Variants in NEXMIF observed in about 807,000 individuals in gnomAD.
NEXMIF encodes neurite extension and migration factor, also known as XLMR protein related to neurite extension.
Under a neutral mutation model 62.1 loss-of-function variants are expected in NEXMIF, and 8 were observed. The observed-to-expected ratio is 0.13, with a 90% CI of 0.08 to 0.23. The LOEUF (loss-of-function observed/expected upper bound fraction) is 0.23. Among genes scored for constraint, NEXMIF ranks in the 10% least tolerant of loss-of-function variants. The pLI is 1.00. For missense variants in NEXMIF, 976 were observed against 1,113.3 expected (o/e 0.88, Z 1.75); for synonymous variants, 404 against 416.6 (o/e 0.97, Z 0.37).
intron 1 of NEXMIF, among the ~76,000 whole-genome samples, chrX:74,884,332 T>C (rs1408033927): frequency 2.7e-5 from 3 of 111,684 alleles, no homozygotes; most frequent in Non-Finnish European, 3.8e-5. Flanking sequence ...AATGCTCCAA[T>C]TAAAAGGAAC....
chrX:74,883,188 G>C (rs915318918), intron 1 of NEXMIF, among the ~76,000 whole-genome samples: 10 of 111,337 alleles, frequency 9.0e-5, no homozygotes, highest in Admixed American at 1.9e-4. Context: ...AAACCACAAA[G>C]ATAGGGAAAA....
chrX:74,783,595 C>G (rs1192032944), intron 1 of NEXMIF, among the ~76,000 whole-genome samples: 3 of 111,371 alleles, frequency 2.7e-5, no homozygotes, highest in Admixed American at 1.9e-4. Flanking sequence ...TGACATGGCT[C>G]CAACGTAAAG....
intron 1 of NEXMIF, among the ~76,000 whole-genome samples, chrX:74,751,548 C>T (rs1213765084): frequency 9.4e-6 from 1 of 105,942 alleles, no homozygotes; most frequent in Non-Finnish European, 2.0e-5. Flanking sequence ...AGTGCAGTGG[C>T]ATGATCTCGG....
intron 1 of NEXMIF, among the ~76,000 whole-genome samples, chrX:74,819,062 T>G: frequency 9.0e-6 from 1 of 111,685 alleles, no homozygotes; most frequent in Admixed American, 9.5e-5. Context: ...TTGACAAACC[T>G]TACAAAAACA....
rs2080268535 is a variant in NEXMIF, at chrX:74,788,820, T to C, written c.-47-43123A>G. 2.7e-5 allele frequency among the ~76,000 whole-genome samples: 3 copies of C among 109,721 alleles called. No individual in the cohort carries two copies. In the South Asian group the frequency reaches 1.2e-3, roughly 44 times the overall value. On this transcript the variant is annotated intron_variant, in intron 1 of 3. Transcript: ENST00000055682. ...GCCAAGAAAAGGGAAGGGGGTAGAG[T>C]GATATAATTTTCAGTCTCCCACAAT...
chrX:74,890,058 C>T (rs1367218878), intron 1 of NEXMIF, among the ~76,000 whole-genome samples: 3 of 106,498 alleles, frequency 2.8e-5, no homozygotes, highest in Non-Finnish European at 5.8e-5. Flanking sequence ...CAAATCGGTA[C>T]TTAGTTTCTT....
At chrX:74,790,364 T>C (rs1304843619) in intron 1 of NEXMIF, among the ~76,000 whole-genome samples, 1 of 113,518 alleles carries the variant, frequency 8.8e-6, no homozygotes, top group Non-Finnish European at 1.9e-5. Context: ...TACCATGATG[T>C]TTTGGTTACT....
intron 1 of NEXMIF, among the ~76,000 whole-genome samples, chrX:74,882,843 G>A (rs927965634): frequency 2.7e-5 from 3 of 112,362 alleles, no homozygotes; most frequent in Non-Finnish European, 5.6e-5. Flanking sequence ...TGGGCAGACT[G>A]CCTCCTCAAG....
chrX:74,891,440 CAATA>C (rs1377165692), intron 1 of NEXMIF, among the ~76,000 whole-genome samples: 2 of 110,771 alleles, frequency 1.8e-5, no homozygotes, highest in Admixed American at 1.9e-4. Flanking sequence ...CTGCTACAAT[CAATA>C]AATAATGCCA....
At chrX:74,860,156 A>G (rs1319138021) in intron 1 of NEXMIF, among the ~76,000 whole-genome samples, 2 of 111,696 alleles carry the variant, frequency 1.8e-5, no homozygotes, top group South Asian at 3.7e-4. Flanking sequence ...TACTTCACCT[A>G]TAAGAAAGTC....
Position 74,741,201 on chromosome X carries a change from A to G in NEXMIF, c.3356T>C (p.Leu1119Pro), listed in dbSNP as rs1274611127. Residue 1119 changes from leucine (L) to proline (P), a missense_variant, in exon 3 of 4, where the codon CTT becomes CCT. Leu to Pro is a moderately conservative substitution (Grantham distance 98). Transcript: ENST00000055682. ...ATCCTCCATTTGGACCTGCCGTGAA[A>G]GGGTACTGCAGTCCCACTTGATTTT... ...VEKIKWDCST[L>P]SRQVQMEDGF... is the part of the protein sequence containing the mutation. 8.3e-7 allele frequency: 1 copy of G among 1,211,371 alleles called. No individual in the cohort carries two copies. Among genetic ancestry groups the G allele is most frequent in the Admixed American group, 2.2e-5 (1 of 45,966 alleles).
At chrX:74,885,869 C>T (rs1569363190) in intron 1 of NEXMIF, among the ~76,000 whole-genome samples, 1 of 111,888 alleles carries the variant, frequency 8.9e-6, no homozygotes, top group Non-Finnish European at 1.9e-5. Flanking sequence ...AGACCAATAT[C>T]CTTGATGAAC....
intron 1 of NEXMIF, among the ~76,000 whole-genome samples, chrX:74,777,880 A>C (rs2147457609): frequency 9.0e-6 from 1 of 111,623 alleles, no homozygotes; most frequent in Non-Finnish European, 1.9e-5. Flanking sequence ...AAAAAGCATT[A>C]CTGAAACAAC....
Position 74,740,935 on chromosome X carries a change from T to G in NEXMIF, c.3622A>C (p.Ile1208Leu), listed in dbSNP as rs2080100693. The change falls in exon 3 of 4, where the codon ATT becomes CTT. Residue 1208 changes from isoleucine (I) to leucine (L), a missense_variant. By Grantham distance (5) the Ile-to-Leu change is conservative. Coordinates refer to ENST00000055682, the MANE Select transcript of NEXMIF (RefSeq NM_001008537.3). ...GAGTTTTTGCCAGGTGGTTTTTCAA[T>G]CCCCTTGTTGTTACCTTTGAGGGAT... ...KKSLKGNNKG[I>L]EKPPGKNSRQ... The G allele has an allele frequency of 8.3e-7, 1 of 1,210,340 alleles. No homozygotes were observed. The highest frequency in any genetic ancestry group is 2.2e-5 in the Admixed American group (1 of 45,806).
At chrX:74,750,268 G>T (rs1427171654) in intron 1 of NEXMIF, among the ~76,000 whole-genome samples, 2 of 112,033 alleles carry the variant, frequency 1.8e-5, no homozygotes, top group African/African-American at 3.3e-5. Context: ...TCAGAATATA[G>T]AGAGAAAAGA....
intron 1 of NEXMIF, among the ~76,000 whole-genome samples, chrX:74,820,730 T>A (rs974941424): frequency 7.2e-5 from 8 of 111,848 alleles, no homozygotes; most frequent in African/African-American, 2.6e-4. Flanking sequence ...GCCATTACCT[T>A]AAGCAAATTA....
intron 1 of NEXMIF, among the ~76,000 whole-genome samples, chrX:74,807,035 C>G (rs1316604039): frequency 8.9e-6 from 1 of 112,157 alleles, no homozygotes; most frequent in Non-Finnish European, 1.9e-5. Flanking sequence ...TATCTTTTAC[C>G]TGCCCATATA....
intron 1 of NEXMIF, among the ~76,000 whole-genome samples, chrX:74,861,688 A>G (rs1028200900): frequency 1.8e-5 from 2 of 111,980 alleles, no homozygotes; most frequent in African/African-American, 6.5e-5. Context: ...GGGAGCTAAT[A>G]TTCAACATTC....
intron 1 of NEXMIF, among the ~76,000 whole-genome samples, chrX:74,780,691 T>C (rs755712343): frequency 8.9e-6 from 1 of 112,160 alleles, no homozygotes; most frequent in East Asian, 2.8e-4. Context: ...CTTAAAATTT[T>C]CACAGCACCT....
Sources: gnomAD v4.1 joint callset for allele counts (sites outside exome capture counted in the v4.1 genomes callset) on GRCh38, gnomAD v4.1.1 for gene constraint, MANE v1.5 for transcripts, NCBI Gene and HGNC (gene_info 2026-07-23, HGNC 2026-07-21) for gene names.